The following HHIPL1 variants were observed in gnomAD, a reference collection of about 807,000 sequenced individuals.
HHIPL1 encodes the protein HHIP-like protein 1.
In HHIPL1, 43 loss-of-function variants were observed where a neutral mutation model predicts 61.8. The ratio of observed to expected loss-of-function variants is 0.70; its 90% CI spans 0.55 to 0.90. The LOEUF (loss-of-function observed/expected upper bound fraction) is 0.90, where lower values mean the gene tolerates loss of function less well. HHIPL1 is among the 40% of genes least tolerant of loss of function. The pLI is 0.00. For missense variants in HHIPL1, 1,056 were observed against 1,157.7 expected (o/e 0.91, Z 1.28); for synonymous variants, 482 against 515.8 (o/e 0.93, Z 0.89).
chr14:99,661,421 A>AGAAGGAAGGAAGGAAGGAAGGAAG (rs11276316), intron 5 of HHIPL1, among the ~76,000 whole-genome samples: 7,231 of 143,422 alleles, frequency 0.05, 225 homozygotes, highest in Middle Eastern at 0.068. Context: ...GAGAGAGAAA[A>AGAAGGAAGGAAGGAAGGAAGGAAG]GAAGGAAGGA....
Position 99,659,540 on chromosome 14 carries a change from G to T in HHIPL1, c.1159G>T (p.Glu387Ter). The T allele has an allele frequency of 6.5e-7, 1 of 1,545,850 alleles. No individual in the cohort carries two copies. ...CGTGGGCGACCCCGCGGCGCAGCCC[G>T]AGGTCTACGCCCTGGGCGTGCGCAA... The part of the protein sequence containing the change: ...PFVGDPAAQP[E>*]VYALGVRNMW... The change falls in exon 4 of 9, where the codon GAG becomes TAG. Residue 387 changes from glutamate to a stop codon, truncating the protein, a stop_gained. Coordinates refer to ENST00000330710, the MANE Select transcript of HHIPL1 (RefSeq NM_001127258.3). LOFTEE classifies it high-confidence loss of function.
chr14:99,665,953 T>C (rs1055699854), intron 6 of HHIPL1, among the ~76,000 whole-genome samples: 4 of 152,178 alleles, frequency 2.6e-5, no homozygotes, highest in Middle Eastern at 3.4e-3. Context: ...GGCTAATTTT[T>C]GTATTTTTAG....
chr14:99,657,712 C>A (rs1337351740), intron 3 of HHIPL1, among the ~76,000 whole-genome samples: 1 of 151,926 alleles, frequency 6.6e-6, no homozygotes, highest in African/African-American at 2.4e-5. Flanking sequence ...TATGCATACA[C>A]ACACATGTAC....
rs1566816667 is a variant in HHIPL1 at position 99,668,914 on chromosome 14, CAGTGGTGGAAATG to C, written c.1730+614_1730+626del. 1 of 1,612,824 alleles carries C rather than the reference CAGTGGTGGAAATG, an allele frequency of 6.2e-7. No homozygotes were observed. Among genetic ancestry groups the C allele is most frequent in the South Asian group, 1.1e-5 (1 of 91,062 alleles). On this transcript the variant is annotated intron_variant, in intron 7 of 8. Transcript: ENST00000330710. This position sits in a 1 kb window ranked among gnomAD's most constrained non-coding sequence, Gnocchi z 4.7. ...ATTGACGTCTCAGCCGTTCATTTTA[CAGTGGTGGAAATG>C]AGCACAAAGACACGAAGTCATGGGC... is the stretch of plus-strand genomic sequence containing the variant.
chr14:99,617,112 A>G, the HHIPL1 span, among the ~76,000 whole-genome samples: 1 of 152,316 alleles, frequency 6.6e-6, no homozygotes, highest in East Asian at 1.9e-4. Context: ...TGACAACACT[A>G]GCACTAGGTT....
the HHIPL1 span, among the ~76,000 whole-genome samples, chr14:99,632,191 C>G: frequency 1.3e-5 from 2 of 152,350 alleles, no homozygotes; most frequent in East Asian, 3.9e-4. Context: ...GCTTTGCACA[C>G]AGGTGCAGGT....
chr14:99,610,542 T>C, the HHIPL1 span, among the ~76,000 whole-genome samples: 3 of 152,242 alleles, frequency 2.0e-5, no homozygotes, highest in East Asian at 5.8e-4. Flanking sequence ...GGTGGATCAC[T>C]TGAGGCCCGG....
intron 3 of HHIPL1, among the ~76,000 whole-genome samples, 166 bp from the exon 4 acceptor site, chr14:99,659,262 G>A (rs1229280008): frequency 6.6e-6 from 1 of 152,226 alleles, no homozygotes; most frequent in Non-Finnish European, 1.5e-5. Flanking sequence ...TTACCCGGCT[G>A]TAAGTAGTTA....
At position 99,660,273 on chromosome 14, in the gene HHIPL1, C is replaced by T; in HGVS notation, c.1376-7C>T. 1.9e-6 allele frequency: 3 copies of T among 1,614,046 alleles called. No individual in the cohort carries two copies. The highest frequency in any genetic ancestry group is 2.5e-6 in the Non-Finnish European group (3 of 1,179,986). On this transcript the variant is annotated splice_region_variant and splice_polypyrimidine_tract_variant and intron_variant, in intron 4 of 8. Coordinates refer to ENST00000330710, the MANE Select transcript of HHIPL1 (RefSeq NM_001127258.3). The surrounding 1 kb of genome is among the most constrained non-coding windows in gnomAD (Gnocchi z 4.9). ...TCACCGAAGCTTCTCTCCCTCCCAC[C>T]CCGCAGATGACTTGCTGCCGATTTT...
At chr14:99,651,622 T>A (rs11624028) in intron 1 of HHIPL1, among the ~76,000 whole-genome samples, 28,091 of 152,030 alleles carry the variant, frequency 0.18, 3,042 homozygotes, top group East Asian at 0.27. Flanking sequence ...GGGGTTACAA[T>A]TCTACACGAG....
the HHIPL1 span, among the ~76,000 whole-genome samples, chr14:99,605,392 G>GT: frequency 3.1e-3 from 454 of 144,164 alleles, 7 homozygotes; most frequent in East Asian, 0.029. Flanking sequence ...CGGGGCGGGG[G>GT]GGGGTCCCTC....
chr14:99,664,330 C>G (rs1386978260), intron 6 of HHIPL1, among the ~76,000 whole-genome samples: 1 of 152,234 alleles, frequency 6.6e-6, no homozygotes, highest in Non-Finnish European at 1.5e-5. Flanking sequence ...CCCCAGCCCC[C>G]ACAGCCATTC....
At chr14:99,625,401 T>C in the HHIPL1 span, 1,746 of 152,338 alleles carry the variant, frequency 0.011, 43 homozygotes, top group African/African-American at 0.04. Context: ...CTGGTTATTA[T>C]TGTCACCACA....
At chr14:99,659,245 T>A (rs913955651) in intron 3 of HHIPL1, among the ~76,000 whole-genome samples, 183 bp from the exon 4 acceptor site, 1 of 152,178 alleles carries the variant, frequency 6.6e-6, no homozygotes, top group African/African-American at 2.4e-5. Context: ...GTTGAGTGAA[T>A]GAATGGTTAC....
chr14:99,626,120 A>C, the HHIPL1 span, among the ~76,000 whole-genome samples: 5 of 151,962 alleles, frequency 3.3e-5, no homozygotes, highest in Middle Eastern at 3.4e-3. Context: ...CTTTGACGCT[A>C]TGAGAATGGG....
the HHIPL1 span, among the ~76,000 whole-genome samples, chr14:99,634,938 C>G: frequency 6.6e-6 from 1 of 152,158 alleles, no homozygotes; most frequent in African/African-American, 2.4e-5. Context: ...GTAATGAGCC[C>G]CCCATCTCCT....
chr14:99,665,175 T>G (rs1286239406), intron 6 of HHIPL1, among the ~76,000 whole-genome samples: 2 of 152,142 alleles, frequency 1.3e-5, no homozygotes, highest in East Asian at 3.9e-4. Flanking sequence ...GACCCCAAAG[T>G]GCTGAGATTA....
At chr14:99,662,826 C>T (rs1219358938) in intron 5 of HHIPL1, 50 bp from the exon 6 acceptor site, 1 of 1,515,430 alleles carries the variant, frequency 6.6e-7, no homozygotes, top group South Asian at 1.3e-5. Context: ...TGGGTAGGTT[C>T]CCCTGGGTGC....
the HHIPL1 span, among the ~76,000 whole-genome samples, chr14:99,615,604 GGAAAGGAAGGAAGAAA>G: frequency 4.3e-5 from 6 of 139,902 alleles, no homozygotes; most frequent in East Asian, 1.2e-3. Context: ...GAGAGAGAGA[GGAAAGGAAGGAAGAAA>G]GAAAGGAAGA....
Sources: gnomAD v4.1 joint callset for allele counts (sites outside exome capture counted in the v4.1 genomes callset) on GRCh38, gnomAD v4.1.1 for gene constraint, Gnocchi (gnomAD v3.1) non-coding constraint, MANE v1.5 for transcripts, NCBI Gene and HGNC (gene_info 2026-07-23, HGNC 2026-07-21) for gene names.